The following GPD2 variants were observed in gnomAD, a reference collection of about 807,000 sequenced individuals.
The protein encoded by GPD2 is glycerol-3-phosphate dehydrogenase 2.
In GPD2, 54 loss-of-function variants were observed where a neutral mutation model predicts 82.4. That is an observed-to-expected ratio of 0.66 (90% CI 0.53 to 0.82). The LOEUF is 0.82. Ranked by LOEUF, GPD2 falls within the 40% of genes least tolerant of loss-of-function variation. The pLI is 0.00. For synonymous variants in GPD2, 288 were observed against 306.1 expected, an observed-to-expected ratio of 0.94 and a Z score of 0.62; for missense variants, 748 against 896.2, an observed-to-expected ratio of 0.83 and a Z score of 2.11.
intron 7 of GPD2, 91 bp downstream of exon 7, chr2:156,549,863 C>G: frequency 1.1e-6 from 1 of 912,652 alleles, no homozygotes. Context: ...ACTTCTCTTT[C>G]ATTTATGCCA....
intron 1 of GPD2, among the ~76,000 whole-genome samples, chr2:156,442,924 A>G (rs1489260384): frequency 6.6e-6 from 1 of 152,180 alleles, no homozygotes; most frequent in African/African-American, 2.4e-5. Context: ...ACTCTGCCCT[A>G]TTTGATCACG....
In GPD2 at chr2:156,578,372, CT is replaced by C. The variant is rs796774498; in HGVS notation, c.1768-504del. On this transcript the variant is annotated intron_variant, in intron 13 of 16. Coordinates refer to ENST00000438166, the MANE Select transcript of GPD2 (RefSeq NM_000408.5). ...TCCAAGATAGCTTCACCTTTAATTA[CT>C]TTTTTTTTTTTTGTCACCAAACTAC... 2.4e-3 allele frequency among the ~76,000 whole-genome samples: 348 copies of C among 145,678 alleles called. 1 individual carries two copies. Among genetic ancestry groups the C allele is most frequent in the Admixed American group, 3.9e-3 (56 of 14,502 alleles).
At chr2:156,556,293 A>G (rs1686959773) in intron 8 of GPD2, among the ~76,000 whole-genome samples, 1 of 152,216 alleles carries the variant, frequency 6.6e-6, no homozygotes, top group South Asian at 2.1e-4. Context: ...AAACATATTT[A>G]TAGAAAATAC....
intron 2 of GPD2, among the ~76,000 whole-genome samples, chr2:156,478,767 T>C (rs1347532449): frequency 6.6e-6 from 1 of 152,252 alleles, no homozygotes; most frequent in East Asian, 1.9e-4. Context: ...GCTCCATTTT[T>C]CTGCAGAGTG....
intron 8 of GPD2, among the ~76,000 whole-genome samples, chr2:156,556,315 G>A (rs1344874632): frequency 6.6e-6 from 1 of 152,214 alleles, no homozygotes; most frequent in South Asian, 2.1e-4. Context: ...AGTAACACTG[G>A]CTTGATACAA....
chr2:156,450,157 C>T (rs1682503532), intron 1 of GPD2, among the ~76,000 whole-genome samples: 1 of 152,142 alleles, frequency 6.6e-6, no homozygotes, highest in Non-Finnish European at 1.5e-5. Flanking sequence ...AGAGCTGGTC[C>T]ACTTACTGAG....
intron 1 of GPD2, among the ~76,000 whole-genome samples, chr2:156,440,607 C>G (rs1275239243): frequency 1.3e-5 from 2 of 152,148 alleles, no homozygotes; most frequent in African/African-American, 4.8e-5. Flanking sequence ...TATCGGTGCT[C>G]TTATTTCCTA....
At chr2:156,400,507 C>G in the GPD2 span, among the ~76,000 whole-genome samples, 1 of 152,222 alleles carries the variant, frequency 6.6e-6, no homozygotes. Flanking sequence ...CCGGATCCCT[C>G]CAGGATCCCA....
At chr2:156,454,972 A>C (rs1430817342) in intron 1 of GPD2, among the ~76,000 whole-genome samples, 5 of 152,058 alleles carry the variant, frequency 3.3e-5, no homozygotes, top group Non-Finnish European at 7.4e-5. Context: ...GGCTGATAGC[A>C]TGAGGTGCTC....
Position 156,579,098 on chromosome 2 carries a change from A to G in GPD2, c.1893A>G (p.Arg631=). Residue 631 remains arginine, a synonymous_variant, in exon 15 of 17, where the codon AGA becomes AGG. Coordinates refer to ENST00000438166, the MANE Select transcript of GPD2 (RefSeq NM_000408.5). ...LPSDIDRYKK[R]FHKFDADQKG... ...TCTTGTGTTCCAGGTATAAGAAGAG[A>G]TTTCATAAGTTTGATGCAGACCAGA... 6.2e-7 allele frequency: 1 copy of G among 1,605,022 alleles called. No individual in the cohort carries two copies. Among genetic ancestry groups the G allele is most frequent in the Non-Finnish European group, 8.5e-7 (1 of 1,172,106 alleles).
At chr2:156,575,644 G>A (rs568591933) in intron 13 of GPD2, among the ~76,000 whole-genome samples, 5 of 151,928 alleles carry the variant, frequency 3.3e-5, no homozygotes, top group East Asian at 3.9e-4. Context: ...GGGCTCATGC[G>A]ATCCACCTGC....
At chr2:156,450,688 T>C (rs1682525272) in intron 1 of GPD2, among the ~76,000 whole-genome samples, 1 of 121,596 alleles carries the variant, frequency 8.2e-6, no homozygotes, top group African/African-American at 3.0e-5. Flanking sequence ...TTTTTATTGC[T>C]CATTCTTGGG....
chr2:156,424,986 A>G, the GPD2 span, among the ~76,000 whole-genome samples: 3 of 152,202 alleles, frequency 2.0e-5, no homozygotes, highest in East Asian at 1.9e-4. Flanking sequence ...CATAACGCCA[A>G]TATTAACACA....
chr2:156,489,718 T>TC (rs1558924262), intron 2 of GPD2, among the ~76,000 whole-genome samples: 4 of 28,818 alleles, frequency 1.4e-4, no homozygotes, highest in African/African-American at 5.4e-4. Flanking sequence ...CTTCCTTCCT[T>TC]CCTTCCTCCC....
At position 156,568,948 on chromosome 2, in the gene GPD2, T is replaced by C; in HGVS notation, c.1289T>C (p.Ile430Thr). 6.2e-7 allele frequency: 1 copy of C among 1,610,596 alleles called. No individual in the cohort carries two copies. The highest frequency in any genetic ancestry group is 1.1e-5 in the South Asian group (1 of 91,022). The change falls in exon 10 of 17, where the codon ATT becomes ACT. Residue 430 changes from isoleucine to threonine, a missense_variant. Coordinates refer to ENST00000438166, the MANE Select transcript of GPD2 (RefSeq NM_000408.5). ...GTTGATATCAGTGAGAGTGGCCTTA[T>C]TACTATAGCAGGTATGAGATACTAC... Reference protein sequence around the residue: ...HVVDISESGLITIAGGKWTTY... With the variant: ...HVVDISESGLTTIAGGKWTTY...
At chr2:156,512,844 C>T (rs1449956266) in intron 5 of GPD2, among the ~76,000 whole-genome samples, 1 of 152,144 alleles carries the variant, frequency 6.6e-6, no homozygotes, top group Non-Finnish European at 1.5e-5. Context: ...CATTGGAATT[C>T]AGGTAGTATG....
the GPD2 span, among the ~76,000 whole-genome samples, chr2:156,404,877 T>C: frequency 6.6e-6 from 1 of 151,354 alleles, no homozygotes; most frequent in African/African-American, 2.4e-5. Flanking sequence ...AAGAAACATT[T>C]ACATTTAGAG....
intron 3 of GPD2, among the ~76,000 whole-genome samples, chr2:156,509,835 A>G (rs1237319288): frequency 7.1e-6 from 1 of 141,440 alleles, no homozygotes; most frequent in Non-Finnish European, 1.5e-5. Flanking sequence ...GTGCAGTGGC[A>G]TGATCTTGGC....
In GPD2 at chr2:156,579,011, A is replaced by T. The variant is rs749552236; in HGVS notation, c.1880+10A>T. On this transcript the variant is annotated intron_variant, in intron 14 of 16. Coordinates refer to ENST00000438166, the MANE Select transcript of GPD2 (RefSeq NM_000408.5). Reference sequence around the variant, plus strand: ...CTTCAGACATTGACAGGTACTTATAATAAGTGTCTATCTATCTCTCTTTTT... The same window carrying T: ...CTTCAGACATTGACAGGTACTTATATTAAGTGTCTATCTATCTCTCTTTTT... 6.4e-7 allele frequency: 1 copy of T among 1,560,752 alleles called. No homozygotes were observed.
Sources: allele counts gnomAD v4.1 joint callset (sites outside exome capture counted in the v4.1 genomes callset), GRCh38; gene constraint gnomAD v4.1.1; transcripts MANE v1.5; gene names NCBI Gene and HGNC (gene_info 2026-07-23, HGNC 2026-07-21).